Variants in RHBDL3 observed in about 807,000 individuals in gnomAD.
RHBDL3 encodes rhomboid-related protein 3.
RHBDL3 carries 28 observed loss-of-function variants against 48.2 expected under a neutral mutation model. That is an observed-to-expected ratio of 0.58 (90% CI 0.43 to 0.80). RHBDL3 has a LOEUF of 0.80. Among genes scored for constraint, RHBDL3 ranks in the 30% least tolerant of loss-of-function variants. The probability of loss-of-function intolerance (pLI) is 0.00; values close to 1 mark genes in which losing one functional copy is unlikely to be tolerated. For synonymous variants in RHBDL3, 208 were observed against 232.3 expected, an observed-to-expected ratio of 0.90 and a Z score of 0.95; for missense variants, 464 against 542.7, an observed-to-expected ratio of 0.85 and a Z score of 1.44.
Position 32,266,044 on chromosome 17 carries a change from G to A in RHBDL3, c.-146G>A. 1 of 152,648 alleles carries A rather than the reference G, an allele frequency of 6.6e-6. No homozygotes were observed. The highest frequency in any genetic ancestry group is 1.4e-5 in the Non-Finnish European group (1 of 70,878). 9.5% of individuals were successfully genotyped at this position (152,648 alleles called of 1,614,324 possible). On this transcript the variant is annotated 5_prime_UTR_variant, in exon 1 of 9. Coordinates refer to ENST00000269051, the MANE Select transcript of RHBDL3 (RefSeq NM_138328.3). ...GGCGGCGCGGGGACCGGGGCCATGG[G>A]GGCGGGCGCGGGCTGCGGAGCGGGC...
At chr17:32,296,730 G>A (rs1193051102) in intron 5 of RHBDL3, among the ~76,000 whole-genome samples, 1 of 151,750 alleles carries the variant, frequency 6.6e-6, no homozygotes, top group Non-Finnish European at 1.5e-5. Context: ...TTTAATGCCT[G>A]CACTTGTTTT....
At chr17:32,274,043 G>A (rs2039837388) in intron 2 of RHBDL3, among the ~76,000 whole-genome samples, 2 of 152,166 alleles carry the variant, frequency 1.3e-5, no homozygotes, top group Non-Finnish European at 1.5e-5. Context: ...GCCAGACCTC[G>A]GTCTTGAATC....
At position 32,323,767 on chromosome 17, in the gene RHBDL3, C is replaced by G. The variant is rs1233596108; in HGVS notation, c.*2538C>G. 6.6e-6 allele frequency: 1 copy of G among 152,504 alleles called. No individual in the cohort carries two copies. The highest frequency in any genetic ancestry group is 1.5e-5 in the Non-Finnish European group (1 of 68,280). The allele number at this position is 152,504 out of a possible 1,614,324, so 9.4% of individuals were successfully genotyped here. On this transcript the variant is annotated 3_prime_UTR_variant, in exon 9 of 9. Coordinates refer to ENST00000269051, the MANE Select transcript of RHBDL3 (RefSeq NM_138328.3). The stretch of plus-strand genomic sequence containing the variant: ...CTACACCTTAGACCACCAGCCCCAG[C>G]TGTTCTCTGTCAGCACACCCACCTC...
chr17:32,307,326 C>T (rs529559669), intron 7 of RHBDL3, among the ~76,000 whole-genome samples: 91 of 152,338 alleles, frequency 6.0e-4, no homozygotes, highest in African/African-American at 2.1e-3. Context: ...TTCTCACCCA[C>T]TCCTCCATCA....
chr17:32,320,283 A>T (rs72811096), intron 8 of RHBDL3, among the ~76,000 whole-genome samples: 48,104 of 151,828 alleles, frequency 0.32, 9,372 homozygotes, highest in Non-Finnish European at 0.43. Context: ...CAACAAAAAG[A>T]ATCTGTTAAG....
At chr17:32,282,845 A>T (rs1301881310) in intron 2 of RHBDL3, among the ~76,000 whole-genome samples, 2 of 151,950 alleles carry the variant, frequency 1.3e-5, no homozygotes, top group Non-Finnish European at 2.9e-5. Flanking sequence ...GATGATCTTG[A>T]TCTCCTGACC....
intron 7 of RHBDL3, among the ~76,000 whole-genome samples, chr17:32,309,101 G>C (rs1032912456): frequency 6.6e-6 from 1 of 151,890 alleles, no homozygotes; most frequent in Non-Finnish European, 1.5e-5. Flanking sequence ...TGGGCCATCA[G>C]CATTTGAATA....
At position 32,321,636 on chromosome 17, in the gene RHBDL3, G is replaced by A; in HGVS notation, c.*407G>A. 3.0e-6 allele frequency: 1 copy of A among 335,362 alleles called. No homozygotes were observed. The highest frequency in any genetic ancestry group is 5.8e-6 in the Non-Finnish European group (1 of 173,044). The allele number at this position is 335,362 out of a possible 1,614,324, so 20.8% of individuals were successfully genotyped here. ...AGAGACATGGGAAGGCTCGAAGGTT[G>A]TTGCGTCCAGGCATGGCCCCTCTCT... On this transcript the variant is annotated 3_prime_UTR_variant, in exon 9 of 9. Coordinates refer to ENST00000269051, the MANE Select transcript of RHBDL3 (RefSeq NM_138328.3).
At chr17:32,277,794 T>A (rs184872082) in intron 2 of RHBDL3, among the ~76,000 whole-genome samples, 80 of 152,248 alleles carry the variant, frequency 5.3e-4, no homozygotes, top group Non-Finnish European at 6.9e-4. Context: ...CAAGTGTTAC[T>A]GTGAAAAAAT....
At chr17:32,288,758 C>T (rs186278499) in intron 3 of RHBDL3, 34 bp from the exon 4 acceptor site, 8 of 1,547,050 alleles carry the variant, frequency 5.2e-6, no homozygotes, top group South Asian at 1.2e-5. Context: ...TGGGCCCCAG[C>T]TCTGACCCTC....
chr17:32,286,634 C>T (rs2040205556), intron 3 of RHBDL3, among the ~76,000 whole-genome samples: 1 of 152,216 alleles, frequency 6.6e-6, no homozygotes, highest in African/African-American at 2.4e-5. Context: ...AGGTAAACTC[C>T]TCTGCATCCT....
At chr17:32,310,303 C>T (rs1243678110) in intron 7 of RHBDL3, among the ~76,000 whole-genome samples, 1 of 151,966 alleles carries the variant, frequency 6.6e-6, no homozygotes, top group Admixed American at 6.6e-5. Context: ...CTTTATTGGC[C>T]GGGCGTGGTG....
At chr17:32,266,914 G>C (rs998866917) in intron 1 of RHBDL3, among the ~76,000 whole-genome samples, 1 of 152,056 alleles carries the variant, frequency 6.6e-6, no homozygotes, top group Non-Finnish European at 1.5e-5. Flanking sequence ...GGTGCCAGGG[G>C]ACGGTCCCCT....
chr17:32,284,591 G>T (rs2040150071), intron 2 of RHBDL3, 68 bp from the exon 3 acceptor site: 2 of 1,496,128 alleles, frequency 1.3e-6, no homozygotes, highest in African/African-American at 2.8e-5. Context: ...TGGAGATCAG[G>T]GCACCCACAT....
intron 5 of RHBDL3, among the ~76,000 whole-genome samples, chr17:32,297,286 G>T (rs1400005430): frequency 3.3e-5 from 5 of 152,144 alleles, no homozygotes; most frequent in Admixed American, 3.3e-4. Context: ...TGCCTAACAT[G>T]GTGAAACCCC....
rs925931223 is a variant in RHBDL3, at chr17:32,284,508, A to T, written c.136-151A>T. 9 of 663,302 alleles carry T rather than the reference A, an allele frequency of 1.4e-5. No individual in the cohort carries two copies. The Admixed American group carries it at 1.8e-4, about 13-fold the overall frequency. 41.1% of individuals were successfully genotyped at this position (663,302 alleles called of 1,614,324 possible). On this transcript the variant is annotated intron_variant, in intron 2 of 8. Coordinates refer to ENST00000269051, the MANE Select transcript of RHBDL3 (RefSeq NM_138328.3). ...GGACATTCCTATTTAGATGTTTCCC[A>T]GGGGGGTCCTTGGAAATCTCCCAGA...
At chr17:32,273,591 T>A (rs1234041076) in intron 2 of RHBDL3, among the ~76,000 whole-genome samples, 1 of 152,214 alleles carries the variant, frequency 6.6e-6, no homozygotes, top group Non-Finnish European at 1.5e-5. Context: ...GCCTAGTACC[T>A]TCCCCCCTAC....
chr17:32,306,393 C>T (rs1486248507), intron 7 of RHBDL3, among the ~76,000 whole-genome samples: 2 of 152,210 alleles, frequency 1.3e-5, no homozygotes, highest in African/African-American at 4.8e-5. Context: ...CACTGCACTC[C>T]AGCCTGGGTG....
chr17:32,321,423 T>A lies in RHBDL3; in HGVS notation c.*194T>A. On this transcript the variant is annotated 3_prime_UTR_variant, in exon 9 of 9. Transcript: ENST00000269051. Reference sequence around the variant, plus strand: ...TCTGAAAGGCATCTGGCGGAGGAGTTGATGTGGCTGCTGTCGTTTTTCTCG... The same window carrying A: ...TCTGAAAGGCATCTGGCGGAGGAGTAGATGTGGCTGCTGTCGTTTTTCTCG... 1 of 1,488,670 alleles carries A rather than the reference T, an allele frequency of 6.7e-7. No individual in the cohort carries two copies. Among genetic ancestry groups the A allele is most frequent in the East Asian group, 2.5e-5 (1 of 40,384 alleles). The allele number at this position is 1,488,670 out of a possible 1,614,324, so 92.2% of individuals were successfully genotyped here.
Sources: allele counts gnomAD v4.1 joint callset (sites outside exome capture counted in the v4.1 genomes callset), GRCh38; gene constraint gnomAD v4.1.1; transcripts MANE v1.5; gene names NCBI Gene and HGNC (gene_info 2026-07-23, HGNC 2026-07-21).